The following KHDRBS1 variants were observed in gnomAD, a reference collection of about 807,000 sequenced individuals.
KHDRBS1 encodes KH domain-containing, RNA-binding, signal transduction-associated protein 1.
In KHDRBS1, 7 loss-of-function variants were observed where a neutral mutation model predicts 48.4. The ratio of observed to expected loss-of-function variants is 0.14; its 90% confidence interval spans 0.08 to 0.27. The LOEUF is 0.27. KHDRBS1 is among the 10% of genes least tolerant of loss of function. The pLI is 1.00. For synonymous variants in KHDRBS1, 241 were observed against 235.8 expected, an observed-to-expected ratio of 1.02 and a Z score of -0.20; for missense variants, 458 against 601.2, an observed-to-expected ratio of 0.76 and a Z score of 2.49.
At chr1:32,058,352 G>A (rs1342635895) in intron 10 of KHDRBS1, among the ~76,000 whole-genome samples, 3 of 152,002 alleles carry the variant, frequency 2.0e-5, no homozygotes, top group East Asian at 1.9e-4. Flanking sequence ...CTCCCATCTC[G>A]GCATCCCAAA....
chr1:32,040,146 G>T (rs1478728216), intron 8 of KHDRBS1, among the ~76,000 whole-genome samples: 1 of 152,174 alleles, frequency 6.6e-6, no homozygotes, highest in Admixed American at 6.5e-5. Flanking sequence ...GGGCGTGGTG[G>T]CTCATGCCTG....
intron 10 of KHDRBS1, among the ~76,000 whole-genome samples, chr1:32,050,187 A>G (rs1269266428): frequency 6.6e-6 from 1 of 152,176 alleles, no homozygotes; most frequent in Non-Finnish European, 1.5e-5. Flanking sequence ...CCAATTATAT[A>G]TCTTCTGTGG....
intron 1 of KHDRBS1, among the ~76,000 whole-genome samples, chr1:32,017,080 A>C (rs1260986074): frequency 1.3e-5 from 2 of 152,128 alleles, no homozygotes; most frequent in East Asian, 3.8e-4. Context: ...CAACATGGTG[A>C]AACCCCGTCT....
At chr1:32,049,299 G>A (rs745308215) in intron 10 of KHDRBS1, among the ~76,000 whole-genome samples, 10 of 151,958 alleles carry the variant, frequency 6.6e-5, no homozygotes, top group Non-Finnish European at 1.3e-4. Context: ...CAGGTGATCC[G>A]CCTACCTTGG....
chr1:32,030,445 T>C lies in KHDRBS1; in HGVS notation c.507+23T>C, dbSNP rs374942485. ...AAGGTAAGGCAAAAAGTGCTTTGGA[T>C]CTTTGAGTTATCTTTATAGTTATGA... On this transcript the variant is annotated intron_variant, in intron 2 of 8. Transcript: ENST00000327300. 3.1e-6 allele frequency: 5 copies of C among 1,588,068 alleles called. No homozygotes were observed. In the African/African-American group the frequency reaches 4.1e-5, roughly 13 times the overall value.
At chr1:32,046,346 T>C (rs189407768), downstream of KHDRBS1, among the ~76,000 whole-genome samples, 18 of 152,228 alleles carry the variant, frequency 1.2e-4, no homozygotes, top group African/African-American at 4.1e-4. Flanking sequence ...CCCGAGTACC[T>C]GGGACTACAG....
rs1177667747 is a variant in KHDRBS1 at position 32,042,553 on chromosome 1, C to T, written c.1261C>T (p.Pro421Ser). The T allele has an allele frequency of 6.2e-7, 1 of 1,613,452 alleles. No homozygotes were observed. The highest frequency in any genetic ancestry group is 1.7e-5 in the Admixed American group (1 of 60,016). ...YGQDDWNGTR[P>S]SLKAPPARPV... ...CCAGGACGACTGGAATGGGACCAGGCCGTCGCTGAAGGCCCCTCCTGCTAG... is the reference window on the plus strand; with the variant it reads ...CCAGGACGACTGGAATGGGACCAGGTCGTCGCTGAAGGCCCCTCCTGCTAG... Residue 421 changes from proline to serine, a missense_variant, in exon 9 of 9, where the codon CCG becomes TCG. Transcript: ENST00000327300.
intron 8 of KHDRBS1, 44 bp downstream of exon 8, chr1:32,039,617 G>A (rs149623609): frequency 3.5e-5 from 35 of 1,003,574 alleles, no homozygotes; most frequent in East Asian, 2.4e-4. Flanking sequence ...ACAAGTAAGT[G>A]CCTGGGAGAA....
chr1:32,049,620 C>A (rs900344732), intron 10 of KHDRBS1, among the ~76,000 whole-genome samples: 3 of 151,074 alleles, frequency 2.0e-5, no homozygotes, highest in Admixed American at 6.6e-5. Flanking sequence ...AGAAGAATTT[C>A]TGGGTTCTGG....
At chr1:32,057,502 TTA>T (rs1639492630) in intron 10 of KHDRBS1, among the ~76,000 whole-genome samples, 1 of 151,306 alleles carries the variant, frequency 6.6e-6, no homozygotes, top group African/African-American at 2.4e-5. Context: ...TTTTTTTTTT[TTA>T]AAGAGATGAG....
chr1:32,042,404 G>GGAA, intron 8 of KHDRBS1, 123 bp from the exon 9 acceptor site: 1 of 647,566 alleles, frequency 1.5e-6, no homozygotes, highest in Non-Finnish European at 2.7e-6. Context: ...GAACACCAGG[G>GGAA]GAAGTGTCAA....
intron 7 of KHDRBS1, 146 bp downstream of exon 7, chr1:32,038,765 A>T (rs1011309958): frequency 7.1e-6 from 5 of 699,510 alleles, no homozygotes; most frequent in South Asian, 5.1e-5. Flanking sequence ...CACAGTCCTG[A>T]CTGGTCTTGA....
At chr1:32,031,124 C>T (rs1321918757) in intron 2 of KHDRBS1, among the ~76,000 whole-genome samples, 1 of 152,104 alleles carries the variant, frequency 6.6e-6, no homozygotes, top group Non-Finnish European at 1.5e-5. Flanking sequence ...TGGTGTGCAC[C>T]TGTACCCAGC....
chr1:32,055,508 A>C (rs1639471502), intron 10 of KHDRBS1, among the ~76,000 whole-genome samples: 1 of 151,902 alleles, frequency 6.6e-6, no homozygotes, highest in African/African-American at 2.4e-5. Context: ...ACCCACATGT[A>C]CCTCCTGCTC....
chr1:32,053,113 A>G (rs1046783004), intron 10 of KHDRBS1, among the ~76,000 whole-genome samples: 2 of 152,310 alleles, frequency 1.3e-5, no homozygotes, highest in African/African-American at 2.4e-5. Flanking sequence ...TGATCATGAC[A>G]CTATACTCCA....
intron 1 of KHDRBS1, among the ~76,000 whole-genome samples, chr1:32,023,102 G>GCT (rs926148683): frequency 6.6e-6 from 1 of 151,908 alleles, no homozygotes; most frequent in African/African-American, 2.4e-5. Flanking sequence ...ATGTAGGAGA[G>GCT]CTGGGAATCA....
chr1:32,033,393 T>G lies in KHDRBS1; in HGVS notation c.771+59T>G. 1.9e-6 allele frequency: 3 copies of G among 1,598,578 alleles called. No individual in the cohort carries two copies. In the South Asian group the frequency reaches 3.3e-5, roughly 18 times the overall value. ...AAAGAGAACTGGGATCTTATACTGT[T>G]GTGAAGGTAGGGGTTCTTAACTAAG... On this transcript the variant is annotated intron_variant, in intron 4 of 8. Transcript: ENST00000327300.
downstream of KHDRBS1, among the ~76,000 whole-genome samples, chr1:32,044,747 C>A (rs1639338370): frequency 1.3e-5 from 2 of 152,050 alleles, no homozygotes; most frequent in African/African-American, 2.4e-5. Context: ...CACTCTATAC[C>A]CCCCTTTTTA....
chr1:32,037,027 C>T lies in KHDRBS1; in HGVS notation c.889C>T (p.Pro297Ser). The T allele has an allele frequency of 1.2e-6, 2 of 1,613,848 alleles. No individual in the cohort carries two copies. Among genetic ancestry groups the T allele is most frequent in the Non-Finnish European group, 1.7e-6 (2 of 1,179,920 alleles). ...PVRGRGAAPP[P>S]PPVPRGRGVG... ...GAGAGGCCGGGGAGCTGCACCTCCT[C>T]CACCACCTGTTCCCAGGTAAAAATA... The change falls in exon 5 of 9, where the codon CCA (proline) becomes TCA (serine). Residue 297 changes from proline to serine, a missense_variant. By Grantham distance (74) the Pro-to-Ser change is moderately conservative (BLOSUM62 -1). This residue lies in a region of KHDRBS1 where 171 missense variants were observed against 228.7 expected (regional missense o/e 0.75). Coordinates refer to ENST00000327300, the MANE Select transcript of KHDRBS1 (RefSeq NM_006559.3).
Sources: gnomAD v4.1 joint callset for allele counts (sites outside exome capture counted in the v4.1 genomes callset) on GRCh38, gnomAD v4.1.1 for gene constraint, gnomAD v4.1.1 regional missense constraint, MANE v1.5 for transcripts, NCBI Gene and HGNC (gene_info 2026-07-23, HGNC 2026-07-21) for gene names.